Variants in MAF observed in about 807,000 individuals in gnomAD.
The protein encoded by MAF is transcription factor Maf.
A neutral mutation model predicts 22.0 loss-of-function variants in MAF; 10 were observed. The observed-to-expected ratio is 0.45, with a 90% confidence interval of 0.28 to 0.77. MAF has a LOEUF of 0.77. Among genes scored for constraint, MAF ranks in the 30% least tolerant of loss-of-function variants. The pLI is 0.12. For missense variants in MAF, 544 were observed against 548.4 expected (o/e 0.99, Z 0.08); for synonymous variants, 337 against 255.8 (o/e 1.32, Z -3.03).
At chr16:79,333,882 G>A in the MAF span, among the ~76,000 whole-genome samples, 1 of 151,984 alleles carries the variant, frequency 6.6e-6, no homozygotes, top group Non-Finnish European at 1.5e-5. Flanking sequence ...ACCTGGATCT[G>A]GTGATACCAC....
chr16:79,238,385 A>C, the MAF span, among the ~76,000 whole-genome samples: 2 of 152,080 alleles, frequency 1.3e-5, no homozygotes, highest in African/African-American at 4.8e-5. Flanking sequence ...GAGCGGGGGC[A>C]CTGTAGAGCA....
the MAF span, among the ~76,000 whole-genome samples, chr16:79,301,664 T>G: frequency 1.3e-5 from 2 of 152,216 alleles, no homozygotes; most frequent in African/African-American, 2.4e-5. Context: ...CATATATGCA[T>G]GCATATAATG....
chr16:79,548,021 C>A, the MAF span, among the ~76,000 whole-genome samples: 1 of 152,076 alleles, frequency 6.6e-6, no homozygotes, highest in African/African-American at 2.4e-5. Flanking sequence ...CAGGTTCACA[C>A]ACACAAAAAA....
chr16:79,379,810 G>A, the MAF span, among the ~76,000 whole-genome samples: 128 of 152,288 alleles, frequency 8.4e-4, no homozygotes, highest in Admixed American at 2.3e-3. Flanking sequence ...GCTCCAAGCG[G>A]TAAAGCTCTG....
At chr16:79,482,967 TCC>T in the MAF span, among the ~76,000 whole-genome samples, 7 of 47,984 alleles carry the variant, frequency 1.5e-4, no homozygotes, top group South Asian at 1.5e-3. Flanking sequence ...CCTCCCTCTG[TCC>T]CTCCTTCCCT....
chr16:79,561,103 C>G, the MAF span, among the ~76,000 whole-genome samples: 1 of 152,172 alleles, frequency 6.6e-6, no homozygotes, highest in African/African-American at 2.4e-5. Context: ...TCTGACATAT[C>G]AAATTCCACA....
At chr16:79,325,349 C>T in the MAF span, among the ~76,000 whole-genome samples, 1 of 152,162 alleles carries the variant, frequency 6.6e-6, no homozygotes, top group African/African-American at 2.4e-5. Flanking sequence ...AGATGCTCTG[C>T]TAAAAACGTT....
At chr16:79,268,599 T>G in the MAF span, among the ~76,000 whole-genome samples, 10 of 152,148 alleles carry the variant, frequency 6.6e-5, no homozygotes, top group Non-Finnish European at 1.5e-4. Flanking sequence ...TAGAGTTGTT[T>G]AAAAATTAAG....
the MAF span, among the ~76,000 whole-genome samples, chr16:79,445,041 TTA>T: frequency 1.3e-5 from 2 of 152,066 alleles, no homozygotes; most frequent in Non-Finnish European, 2.9e-5. Flanking sequence ...ATTTATTTAT[TTA>T]TTTTTTTTGA....
chr16:79,433,654 G>A, the MAF span, among the ~76,000 whole-genome samples: 2 of 152,064 alleles, frequency 1.3e-5, no homozygotes, highest in Admixed American at 1.3e-4. Context: ...AGCCGGGAGG[G>A]AGTGCTCAAA....
chr16:79,249,265 C>A, the MAF span, among the ~76,000 whole-genome samples: 22 of 152,142 alleles, frequency 1.4e-4, no homozygotes, highest in Non-Finnish European at 2.2e-4. Context: ...ACTAAAAATA[C>A]AAAAGTAGCC....
the MAF span, among the ~76,000 whole-genome samples, chr16:79,576,226 G>A: frequency 4.1e-5 from 5 of 122,340 alleles, 1 homozygote; most frequent in Admixed American, 4.3e-4. Flanking sequence ...AGAGTCCTGT[G>A]GTACTAAAAA....
At chr16:79,289,687 G>C in the MAF span, among the ~76,000 whole-genome samples, 2 of 152,092 alleles carry the variant, frequency 1.3e-5, no homozygotes, top group Admixed American at 1.3e-4. Context: ...GACCATTTTA[G>C]GGATGTGGAA....
At chr16:79,262,811 T>C in the MAF span, among the ~76,000 whole-genome samples, 376 of 152,210 alleles carry the variant, frequency 2.5e-3, 1 homozygote, top group Non-Finnish European at 3.8e-3. Flanking sequence ...TTCTAGAAAA[T>C]ATTAGAGAGT....
At chr16:79,558,128 T>A in the MAF span, among the ~76,000 whole-genome samples, 2 of 150,744 alleles carry the variant, frequency 1.3e-5, no homozygotes, top group South Asian at 4.2e-4. Context: ...TATCTCACAA[T>A]TGGAGAGAGT....
the MAF span, among the ~76,000 whole-genome samples, chr16:79,224,059 A>G: frequency 2.9e-3 from 443 of 152,294 alleles, 6 homozygotes; most frequent in Admixed American, 0.022. Flanking sequence ...CACAACAAAA[A>G]AAGAAAATTT....
the MAF span, among the ~76,000 whole-genome samples, chr16:79,222,570 G>C: frequency 6.6e-6 from 1 of 152,012 alleles, no homozygotes; most frequent in Non-Finnish European, 1.5e-5. Context: ...CCAATTAAAA[G>C]ACACAGACTG....
the MAF span, among the ~76,000 whole-genome samples, chr16:79,464,760 C>G: frequency 6.6e-6 from 1 of 152,126 alleles, no homozygotes; most frequent in African/African-American, 2.4e-5. Context: ...GGTCGATTCC[C>G]AAAATTAGAC....
At chr16:79,395,149 CGGTG>C in the MAF span, among the ~76,000 whole-genome samples, 1 of 152,136 alleles carries the variant, frequency 6.6e-6, no homozygotes, top group Non-Finnish European at 1.5e-5. Flanking sequence ...GAGGCCAAAG[CGGTG>C]GGCACTGGGA....
Sources: allele counts gnomAD v4.1 joint callset (sites outside exome capture counted in the v4.1 genomes callset), GRCh38; gene constraint gnomAD v4.1.1; transcripts MANE v1.5; gene names NCBI Gene and HGNC (gene_info 2026-07-23, HGNC 2026-07-21).